Variants in AGMO observed in about 807,000 individuals in gnomAD.
AGMO encodes alkylglycerol monooxygenase.
A neutral mutation model predicts 60.2 loss-of-function variants in AGMO; 75 were observed. The observed-to-expected ratio is 1.25, with a 90% CI of 1.03 to 1.51. AGMO has a LOEUF of 1.51. AGMO is among the 40% of genes most tolerant of loss of function. AGMO has a pLI of 0.00. For missense variants in AGMO, 763 were observed against 525.5 expected (o/e 1.45, Z -4.42); for synonymous variants, 261 against 177.1 (o/e 1.47, Z -3.76).
chr7:15,341,379 C>T (rs1373664631), intron 12 of AGMO, among the ~76,000 whole-genome samples: 1 of 152,180 alleles, frequency 6.6e-6, no homozygotes, highest in Non-Finnish European at 1.5e-5. Flanking sequence ...TGCCACCAGT[C>T]CTTTTGCTAA....
At chr7:15,178,619 C>G in the AGMO span, among the ~76,000 whole-genome samples, 4 of 151,932 alleles carry the variant, frequency 2.6e-5, no homozygotes, top group African/African-American at 9.7e-5. Context: ...TTAAAAATGG[C>G]TGTATGTACT....
chr7:15,281,874 G>A lies in AGMO; in HGVS notation c.1264-80515C>T, dbSNP rs892513310. On this transcript the variant is annotated intron_variant, in intron 12 of 12. Coordinates refer to ENST00000342526, the MANE Select transcript of AGMO (RefSeq NM_001004320.2). ...CTTCTGCCATTCCAACCTCACAGGA[G>A]ACAGTGAATTTGCTCATACACCAAA... Among the ~76,000 whole-genome samples the A allele has an allele frequency of 2.0e-5, 3 of 152,090 alleles. No individual in the cohort carries two copies. In the South Asian group the frequency reaches 6.2e-4, roughly 32 times the overall value.
intron 10 of AGMO, among the ~76,000 whole-genome samples, chr7:15,373,444 A>G (rs1783310014): frequency 1.3e-5 from 2 of 152,160 alleles, no homozygotes; most frequent in South Asian, 4.1e-4. Context: ...AACAACACAA[A>G]AACAGCAGAA....
intron 3 of AGMO, among the ~76,000 whole-genome samples, chr7:15,500,033 G>A (rs995370373): frequency 3.3e-5 from 5 of 151,166 alleles, no homozygotes; most frequent in African/African-American, 1.2e-4. Flanking sequence ...GACAAAACTA[G>A]GTATGAGTAT....
At chr7:15,429,043 C>A (rs1282846393) in intron 4 of AGMO, among the ~76,000 whole-genome samples, 1 of 152,024 alleles carries the variant, frequency 6.6e-6, no homozygotes, top group Non-Finnish European at 1.5e-5. Flanking sequence ...TGCTCTGAAG[C>A]CTTAATCCAG....
chr7:15,189,537 C>T, the AGMO span, among the ~76,000 whole-genome samples: 1,175 of 152,188 alleles, frequency 7.7e-3, 19 homozygotes, highest in African/African-American at 0.027. Context: ...ACATTAATAG[C>T]TAATGCTTCA....
At chr7:15,495,388 G>C (rs1046170770) in intron 3 of AGMO, among the ~76,000 whole-genome samples, 1 of 152,034 alleles carries the variant, frequency 6.6e-6, no homozygotes, top group African/African-American at 2.4e-5. Flanking sequence ...CAGTCCATGT[G>C]TTTCTGATTC....
At chr7:15,537,881 G>C (rs960952799) in intron 3 of AGMO, among the ~76,000 whole-genome samples, 2 of 151,894 alleles carry the variant, frequency 1.3e-5, no homozygotes, top group African/African-American at 4.8e-5. Context: ...CAGGCATTTT[G>C]AGGGGAAATA....
intron 9 of AGMO, among the ~76,000 whole-genome samples, 194 bp downstream of exon 9, chr7:15,387,212 T>C (rs1783952207): frequency 6.6e-6 from 1 of 152,234 alleles, no homozygotes; most frequent in Non-Finnish European, 1.5e-5. Flanking sequence ...AGTGTTCACC[T>C]GGGAGAAGGC....
At chr7:15,465,585 C>G (rs1280863817) in intron 3 of AGMO, among the ~76,000 whole-genome samples, 7 of 132,632 alleles carry the variant, frequency 5.3e-5, no homozygotes, top group Non-Finnish European at 9.5e-5. Flanking sequence ...CCACGTCCGG[C>G]TAATTATATA....
At chr7:15,375,649 G>A (rs375502754) in intron 10 of AGMO, among the ~76,000 whole-genome samples, 120 of 152,108 alleles carry the variant, frequency 7.9e-4, no homozygotes, top group African/African-American at 2.7e-3. Flanking sequence ...CACCCACCTC[G>A]GCCTCCTAAA....
rs115718694 is a variant in AGMO, at chr7:15,366,633, T to C, written c.1075-411A>G. 3.6e-3 allele frequency among the ~76,000 whole-genome samples: 549 copies of C among 152,146 alleles called. 2 individuals are homozygous for C. The highest frequency in any genetic ancestry group is 0.012 in the African/African-American group (519 of 41,558). On this transcript the variant is annotated intron_variant, in intron 10 of 12. Transcript: ENST00000342526. ...TTCAAATGCAAAGCTTTCTCTAATA[T>C]AGAAAATATTTAAAGGAGACTGTGT...
intron 12 of AGMO, among the ~76,000 whole-genome samples, chr7:15,365,026 C>A (rs189764431): frequency 1.4e-3 from 206 of 152,082 alleles, no homozygotes; most frequent in Admixed American, 2.8e-3. Flanking sequence ...TTAACCATCA[C>A]AGAAGAACAT....
chr7:15,387,604 G>T, intron 8 of AGMO, 64 bp from the exon 9 acceptor site: 2 of 1,394,254 alleles, frequency 1.4e-6, no homozygotes, highest in Non-Finnish European at 2.0e-6. Context: ...AATACCAAAA[G>T]TTATGTATAT....
At chr7:15,478,575 A>C (rs1323667215) in intron 3 of AGMO, among the ~76,000 whole-genome samples, 1 of 152,148 alleles carries the variant, frequency 6.6e-6, no homozygotes, top group East Asian at 1.9e-4. Context: ...CAGACATCAG[A>C]TCTTGTCATT....
chr7:15,317,874 T>C (rs1780977580), intron 12 of AGMO, among the ~76,000 whole-genome samples: 1 of 148,568 alleles, frequency 6.7e-6, no homozygotes, highest in African/African-American at 2.5e-5. Context: ...CACACGTATA[T>C]ATATATACAC....
intron 12 of AGMO, among the ~76,000 whole-genome samples, chr7:15,311,173 G>A (rs1413256059): frequency 6.6e-6 from 1 of 151,884 alleles, no homozygotes; most frequent in African/African-American, 2.4e-5. Context: ...AACCAAAAAT[G>A]CTAGATTAAA....
intron 12 of AGMO, among the ~76,000 whole-genome samples, chr7:15,354,109 A>G (rs115399420): frequency 0.014 from 2,100 of 151,848 alleles, 55 homozygotes; most frequent in African/African-American, 0.048. Context: ...AAAAGTGACC[A>G]TTTTTAGAAG....
chr7:15,535,598 C>T (rs535080317), intron 3 of AGMO, among the ~76,000 whole-genome samples: 1 of 151,980 alleles, frequency 6.6e-6, no homozygotes, highest in South Asian at 2.1e-4. Flanking sequence ...TCTGGACTTT[C>T]TTCCCTCGTT....
Sources: allele counts gnomAD v4.1 joint callset (sites outside exome capture counted in the v4.1 genomes callset), GRCh38; gene constraint gnomAD v4.1.1; transcripts MANE v1.5; gene names NCBI Gene and HGNC (gene_info 2026-07-23, HGNC 2026-07-21).